The following APH1A variants were observed in gnomAD, a reference collection of about 807,000 sequenced individuals.
The protein encoded by APH1A is aph-1A gamma-secretase subunit.
APH1A carries 16 observed loss-of-function variants against 30.3 expected under a neutral mutation model. The observed-to-expected ratio is 0.53, with a 90% CI of 0.36 to 0.80. The LOEUF is 0.80. Among genes scored for constraint, APH1A ranks in the 30% least tolerant of loss-of-function variants. The pLI is 0.01. For missense variants in APH1A, 245 were observed against 337.8 expected (o/e 0.73, Z 2.15); for synonymous variants, 144 against 140.1 (o/e 1.03, Z -0.20).
In APH1A at chr1:150,268,993, A is replaced by C. The variant is rs1434377551; in HGVS notation, c.-183T>G. 2 of 557,968 alleles carry C rather than the reference A, an allele frequency of 3.6e-6. No homozygotes were observed. The highest frequency in any genetic ancestry group is 3.8e-5 in the African/African-American group (2 of 52,722). 34.6% of individuals were successfully genotyped at this position (557,968 alleles called of 1,614,324 possible). ...GAAACCCCAAATGAAGGTCCGCGCC[A>C]CTTCCTCTACGGAAGCCGAAGAGGG... On this transcript the variant is annotated 5_prime_UTR_variant, in exon 1 of 7. Transcript: ENST00000369109.
chr1:150,268,895 TGGCAA>T lies in APH1A; in HGVS notation c.-90_-86del. The T allele has an allele frequency of 3.2e-6, 4 of 1,234,358 alleles. No individual in the cohort carries two copies. Among genetic ancestry groups the T allele is most frequent in the African/African-American group, 1.5e-5 (1 of 65,572 alleles). The allele number at this position is 1,234,358 out of a possible 1,614,324, so 76.5% of individuals were successfully genotyped here. Reference sequence around the variant, plus strand: ...CGCCAGCTGGGGAGTCCGCGTGGGGTGGCAACGCGACCCCACGAGGGGCGCGGTGC... The same window carrying T: ...CGCCAGCTGGGGAGTCCGCGTGGGGTCGCGACCCCACGAGGGGCGCGGTGC... On this transcript the variant is annotated 5_prime_UTR_variant, in exon 1 of 7. Coordinates refer to ENST00000369109, the MANE Select transcript of APH1A (RefSeq NM_001077628.3).
intron 2 of APH1A, 27 bp from the exon 3 acceptor site, chr1:150,267,816 A>G (rs781991533): frequency 1.2e-6 from 2 of 1,613,442 alleles, no homozygotes; most frequent in Non-Finnish European, 1.7e-6. Context: ...TAGGGGAAAC[A>G]TGAGGGAGGG....
At chr1:150,266,323 T>C (rs1367545750) in intron 6 of APH1A, 129 bp from the exon 7 acceptor site, 13 of 1,489,648 alleles carry the variant, frequency 8.7e-6, no homozygotes, top group Non-Finnish European at 1.2e-5. Flanking sequence ...CACCAGTCAC[T>C]GACTGGCTGA....
Position 150,267,363 on chromosome 1 carries a change from C to A in APH1A, c.474G>T (p.Leu158=). The change falls in exon 4 of 7, where the codon CTG becomes CTT. Residue 158 remains leucine (L), a synonymous_variant. Transcript: ENST00000369109. ...ATAGAAGGTGGATCTTACCTGAAGT[C>A]AGGAAGTAATAGGGTGAGTCTCCAT... ...GIHGDSPYYF[L]TSAFLTAAII... is the part of the protein sequence containing the mutation. 6.2e-7 allele frequency: 1 copy of A among 1,614,070 alleles called. No individual in the cohort carries two copies. Among genetic ancestry groups the A allele is most frequent in the South Asian group, 1.1e-5 (1 of 91,062 alleles).
At chr1:150,266,465 C>A in intron 6 of APH1A, 68 bp downstream of exon 6, 1 of 1,604,436 alleles carries the variant, frequency 6.2e-7, no homozygotes, top group African/African-American at 1.3e-5. Context: ...TGGGGCTGGG[C>A]TCAGTCATGG....
At chr1:150,266,394 C>CTGGAGGTAG in intron 6 of APH1A, 139 bp downstream of exon 6, 1 of 1,515,542 alleles carries the variant, frequency 6.6e-7, no homozygotes, top group East Asian at 2.4e-5. Flanking sequence ...AAGCAAAACC[C>CTGGAGGTAG]TGGAGGTAGT....
chr1:150,265,983 G>C lies in APH1A; in HGVS notation c.*147C>G, dbSNP rs1651666850. On this transcript the variant is annotated 3_prime_UTR_variant, in exon 7 of 7. Transcript: ENST00000369109. Reference sequence around the variant, plus strand: ...AGAAACTCAGAGCTCATCTATCCTTGAGCCTCCATTAATTTCATCTCCAGG... The same window carrying C: ...AGAAACTCAGAGCTCATCTATCCTTCAGCCTCCATTAATTTCATCTCCAGG... 8.5e-6 allele frequency: 8 copies of C among 940,844 alleles called. No individual in the cohort carries two copies. The allele number at this position is 940,844 out of a possible 1,614,324, so 58.3% of individuals were successfully genotyped here.
chr1:150,265,872 G>A lies in APH1A; in HGVS notation c.*258C>T, dbSNP rs1343383660. 4.5e-6 allele frequency: 2 copies of A among 439,566 alleles called. No individual in the cohort carries two copies. The highest frequency in any genetic ancestry group is 8.2e-6 in the Non-Finnish European group (2 of 243,096). 27.2% of individuals were successfully genotyped at this position (439,566 alleles called of 1,614,324 possible). ...CCCCCACCTCAAAAAAGAAAAAAAG[G>A]CAGTTTAGGGTATTTATCACACCAA... On this transcript the variant is annotated 3_prime_UTR_variant, in exon 7 of 7. Transcript: ENST00000369109.
chr1:150,267,992 C>T lies in APH1A; in HGVS notation c.249G>A (p.Gln83=), dbSNP rs2101852933. ...TGTAGTAGGCAAAGCGGAACACCTC[C>T]TGTAGAAGGACAGAGACAGCAGCAC... ...IFGAAVSVLL[Q]EVFRFAYYKL... The change falls in exon 2 of 7, where the codon CAG becomes CAA. Residue 83 remains glutamine (Q), a synonymous_variant. Coordinates refer to ENST00000369109, the MANE Select transcript of APH1A (RefSeq NM_001077628.3). 1.2e-6 allele frequency: 2 copies of T among 1,614,144 alleles called. No individual in the cohort carries two copies. Among genetic ancestry groups the T allele is most frequent in the East Asian group, 4.5e-5 (2 of 44,892 alleles).
At chr1:150,266,469 G>C in intron 6 of APH1A, 64 bp downstream of exon 6, 1 of 1,609,772 alleles carries the variant, frequency 6.2e-7, no homozygotes, top group South Asian at 1.1e-5. Flanking sequence ...GCTGGGCTCA[G>C]TCATGGGCAG....
At chr1:150,266,848 T>A in intron 5 of APH1A, 192 bp from the exon 6 acceptor site, 1 of 1,013,398 alleles carries the variant, frequency 9.9e-7, no homozygotes, top group Non-Finnish European at 1.4e-6. Context: ...TTTCTGCCGC[T>A]CCTGCTCACC....
rs1348965704 is a variant in APH1A, at chr1:150,265,622, A to G, written c.*508T>C. On this transcript the variant is annotated 3_prime_UTR_variant, in exon 7 of 7. Transcript: ENST00000369109. ...AGCTCTGGAGTGGCCAGCTCACCAC[A>G]GCACCCTCCACTTCACCTTGGGGAG... The G allele has an allele frequency of 1.3e-5, 2 of 153,836 alleles. No individual in the cohort carries two copies. The highest frequency in any genetic ancestry group is 4.8e-5 in the African/African-American group (2 of 41,374). 9.5% of individuals were successfully genotyped at this position (153,836 alleles called of 1,614,324 possible). A position where few individuals can be genotyped will look rare whatever the true frequency, so the allele number is the denominator to read the frequency against.
Position 150,269,015 on chromosome 1 carries a change from A to C in APH1A, c.-205T>G. 1.9e-6 allele frequency: 1 copy of C among 528,210 alleles called. No homozygotes were observed. The highest frequency in any genetic ancestry group is 3.4e-6 in the Non-Finnish European group (1 of 290,098). The allele number at this position is 528,210 out of a possible 1,614,324, so 32.7% of individuals were successfully genotyped here. A position where few individuals can be genotyped will look rare whatever the true frequency, so the allele number is the denominator to read the frequency against. ...GCCACTTCCTCTACGGAAGCCGAAG[A>C]GGGGACAAATCCCGGCCGCAGCCCC... is the stretch of plus-strand genomic sequence containing the variant. On this transcript the variant is annotated 5_prime_UTR_variant, in exon 1 of 7. Coordinates refer to ENST00000369109, the MANE Select transcript of APH1A (RefSeq NM_001077628.3).
intron 1 of APH1A, 96 bp downstream of exon 1, chr1:150,268,602 C>T (rs1402862893): frequency 4.0e-6 from 5 of 1,249,436 alleles, no homozygotes; most frequent in African/African-American, 1.5e-5. Flanking sequence ...GACTTATCGT[C>T]CCCAATTCAG....
intron 5 of APH1A, 36 bp from the exon 6 acceptor site, chr1:150,266,692 T>C: frequency 6.2e-7 from 1 of 1,609,114 alleles, no homozygotes; most frequent in Non-Finnish European, 8.5e-7. Context: ...AGAGATTAGA[T>C]TCTCCCTCGA....
Position 150,267,433 on chromosome 1 carries a change from A to G in APH1A, c.404T>C (p.Ile135Thr), listed in dbSNP as rs782572007. ...FGIISGVFSV[I>T]NILADALGPG... The stretch of plus-strand genomic sequence containing the variant: ...CCCAAGTGCATCAGCCAAAATATTG[A>G]TAACAGAGAAGACACCACTGATGAT... The change falls in exon 4 of 7, where the codon ATC becomes ACC. Residue 135 changes from isoleucine to threonine, a missense_variant. By Grantham distance (89) the Ile-to-Thr change is moderately conservative. Transcript: ENST00000369109. 1.9e-6 allele frequency: 3 copies of G among 1,614,214 alleles called. No homozygotes were observed. Among genetic ancestry groups the G allele is most frequent in the East Asian group, 2.2e-5 (1 of 44,888 alleles).
chr1:150,268,719 C>A lies in APH1A; in HGVS notation c.92G>T (p.Arg31Leu). The part of the protein sequence containing the change: ...FLITVAGDPL[R>L]VIILVAGAFF... ...TCACCCTGCGACCAGGATGATAACG[C>A]GAAGCGGGTCCCCAGCCACAGTGAT... The change falls in exon 1 of 7, where the codon CGC becomes CTC. Residue 31 changes from arginine (R) to leucine (L), a missense_variant. Arg to Leu is a moderately radical substitution (Grantham distance 102). Transcript: ENST00000369109. 1 of 1,612,844 alleles carries A rather than the reference C, an allele frequency of 6.2e-7. No individual in the cohort carries two copies. Among genetic ancestry groups the A allele is most frequent in the East Asian group, 2.2e-5 (1 of 44,860 alleles).
Position 150,266,628 on chromosome 1 carries a change from C to T in APH1A, c.638G>A (p.Ser213Asn). The T allele has an allele frequency of 6.2e-7, 1 of 1,614,060 alleles. No individual in the cohort carries two copies. Among genetic ancestry groups the T allele is most frequent in the Non-Finnish European group, 8.5e-7 (1 of 1,179,982 alleles). Reference sequence around the variant, plus strand: ...AGTGACTGCATAGATGGGCAGCAGGCTGGCCTCATACCAGGGGTTCAGGAA... The same window carrying T: ...AGTGACTGCATAGATGGGCAGCAGGTTGGCCTCATACCAGGGGTTCAGGAA... ...LTFLNPWYEA[S>N]LLPIYAVTVS... Residue 213 changes from serine (S) to asparagine (N), a missense_variant, in exon 6 of 7, where the codon AGC (serine) becomes AAC (asparagine). By Grantham distance (46) the Ser-to-Asn change is conservative (BLOSUM62 1). Transcript: ENST00000369109.
At chr1:150,267,629 G>A in intron 3 of APH1A, 87 bp downstream of exon 3, 1 of 1,567,936 alleles carries the variant, frequency 6.4e-7, no homozygotes, top group Non-Finnish European at 8.7e-7. Context: ...AAAGTAAGAA[G>A]CCACTTAGAA....
Sources: gnomAD v4.1 joint callset for allele counts on GRCh38, gnomAD v4.1.1 for gene constraint, MANE v1.5 for transcripts, NCBI Gene and HGNC (gene_info 2026-07-23, HGNC 2026-07-21) for gene names.